Variants in ITGA1 observed in about 807,000 individuals in gnomAD.
The protein encoded by ITGA1 is integrin subunit alpha 1, also known as integrin alpha-1.
In ITGA1, 85 loss-of-function variants were observed where a neutral mutation model predicts 145.9. That is an observed-to-expected ratio of 0.58 (90% CI 0.49 to 0.70). ITGA1 has a LOEUF of 0.70. Among genes scored for constraint, ITGA1 ranks in the 30% least tolerant of loss-of-function variants. The pLI is 0.00. For missense variants in ITGA1, 1,351 were observed against 1,418.7 expected (o/e 0.95, Z 0.77); for synonymous variants, 520 against 495.3 (o/e 1.05, Z -0.66).
At chr5:52,899,498 G>A (rs2111832368) in intron 11 of ITGA1, among the ~76,000 whole-genome samples, 1 of 152,308 alleles carries the variant, frequency 6.6e-6, no homozygotes, top group Non-Finnish European at 1.5e-5. Flanking sequence ...TGAAAGTCCA[G>A]TCTGTTTCTC....
chr5:52,937,513 A>G lies in ITGA1; in HGVS notation c.3077A>G (p.Glu1026Gly), dbSNP rs1750988627. Residue 1026 changes from glutamate to glycine, a missense_variant and splice_region_variant, in exon 24 of 29, where the codon GAG (glutamate) becomes GGG (glycine). By Grantham distance (98) the Glu-to-Gly change is moderately conservative. Transcript: ENST00000282588. ...VLYPTGLSSS[E>G]NANCRPHIFE... ...TACCCAACTGGATTGTCATCTTCTG[A>G]GGTAAGTCATGTGTGCCTTGGAATT... 1.3e-6 allele frequency: 2 copies of G among 1,569,246 alleles called. No individual in the cohort carries two copies. Among genetic ancestry groups the G allele is most frequent in the Non-Finnish European group, 1.8e-6 (2 of 1,139,636 alleles).
At chr5:52,890,718 C>T (rs966581758) in intron 8 of ITGA1, among the ~76,000 whole-genome samples, 3 of 152,172 alleles carry the variant, frequency 2.0e-5, no homozygotes, top group Non-Finnish European at 4.4e-5. Flanking sequence ...CTTATCATTT[C>T]TTTGTGTTGG....
intron 20 of ITGA1, among the ~76,000 whole-genome samples, chr5:52,929,085 T>G (rs188886728): frequency 8.1e-4 from 123 of 152,318 alleles, no homozygotes; most frequent in Non-Finnish European, 1.6e-3. Context: ...CTGCTATAAC[T>G]AAATACTATA....
intron 2 of ITGA1, among the ~76,000 whole-genome samples, chr5:52,857,308 T>C (rs1749531242): frequency 6.6e-6 from 1 of 152,166 alleles, no homozygotes; most frequent in South Asian, 2.1e-4. Flanking sequence ...AACCTCTCCT[T>C]CTGGATCCAC....
rs1371861272 is a variant in ITGA1, at chr5:52,929,829, G to T, written c.2771+128G>T. ...TTGTAGGAGATCAGTAGAAGTGGAA[G>T]GCAATTAACCACTTTGCTTCACAAA... is the stretch of plus-strand genomic sequence containing the variant. On this transcript the variant is annotated intron_variant, in intron 21 of 28. Coordinates refer to ENST00000282588, the MANE Select transcript of ITGA1 (RefSeq NM_181501.2). The T allele has an allele frequency of 7.9e-6, 4 of 505,568 alleles. No individual in the cohort carries two copies. In the East Asian group the frequency reaches 1.3e-4, roughly 17 times the overall value. The allele number at this position is 505,568 out of a possible 1,614,324, so 31.3% of individuals were successfully genotyped here. A position where few individuals can be genotyped will look rare whatever the true frequency, so the allele number is the denominator to read the frequency against.
intron 1 of ITGA1, chr5:52,824,276 T>A (rs1430150323): frequency 6.6e-6 from 1 of 151,732 alleles, no homozygotes; most frequent in Non-Finnish European, 1.5e-5. Context: ...CTGAGAAGAT[T>A]GTTCTCTCTT....
intron 21 of ITGA1, among the ~76,000 whole-genome samples, chr5:52,930,078 TATG>T: frequency 6.6e-6 from 1 of 152,314 alleles, no homozygotes; most frequent in African/African-American, 2.4e-5. Context: ...CTTAAAGTTT[TATG>T]ATATCCTTTT....
At position 52,905,829 on chromosome 5, in the gene ITGA1, A is replaced by G. The variant is rs1282914079; in HGVS notation, c.1376A>G (p.Tyr459Cys). The G allele has an allele frequency of 2.5e-6, 4 of 1,613,714 alleles. No homozygotes were observed. Among genetic ancestry groups the G allele is most frequent in the East Asian group, 2.2e-5 (1 of 44,866 alleles). ...DVLYIAGQPR[Y>C]NHTGQVIIYR... ...CTCTATATTGCTGGACAGCCTCGGTACAATCATACAGGCCAGGTCATTATC... is the reference window on the plus strand; with the variant it reads ...CTCTATATTGCTGGACAGCCTCGGTGCAATCATACAGGCCAGGTCATTATC... The change falls in exon 12 of 29, where the codon TAC becomes TGC. Residue 459 changes from tyrosine (Y) to cysteine (C), a missense_variant. Tyr to Cys is a radical substitution (Grantham distance 194, BLOSUM62 -2). Coordinates refer to ENST00000282588, the MANE Select transcript of ITGA1 (RefSeq NM_181501.2).
At chr5:52,910,051 C>A (rs1750478700) in intron 13 of ITGA1, 111 bp from the exon 14 acceptor site, 2 of 1,029,830 alleles carry the variant, frequency 1.9e-6, no homozygotes, top group Non-Finnish European at 2.8e-6. Context: ...ACCAACTTTA[C>A]CACTAATGTA....
At chr5:52,830,315 G>A (rs938081398) in intron 1 of ITGA1, among the ~76,000 whole-genome samples, 16 of 152,034 alleles carry the variant, frequency 1.1e-4, no homozygotes, top group African/African-American at 3.4e-4. Context: ...AGAAACAGAT[G>A]ATGAGGCTTT....
chr5:52,920,819 G>A (rs1750719178), intron 17 of ITGA1, among the ~76,000 whole-genome samples: 1 of 152,102 alleles, frequency 6.6e-6, no homozygotes, highest in Admixed American at 6.6e-5. Flanking sequence ...ATTTCTGTGG[G>A]CCTTGTCTGT....
intron 6 of ITGA1, among the ~76,000 whole-genome samples, chr5:52,877,937 A>T (rs7732839): frequency 0.28 from 43,005 of 152,086 alleles, 6,711 homozygotes; most frequent in South Asian, 0.43. Flanking sequence ...TGATAGTGAT[A>T]TATTTGTGAG....
At chr5:52,906,252 C>CTTATTAGAAGAT (rs1750405154) in intron 12 of ITGA1, among the ~76,000 whole-genome samples, 1 of 152,048 alleles carries the variant, frequency 6.6e-6, no homozygotes. Flanking sequence ...TGCAGAAAAG[C>CTTATTAGAAGAT]TTATTAGAAG....
At chr5:52,896,476 A>G (rs1750228063) in intron 9 of ITGA1, among the ~76,000 whole-genome samples, 1 of 152,204 alleles carries the variant, frequency 6.6e-6, no homozygotes, top group Non-Finnish European at 1.5e-5. Flanking sequence ...TGCCGCGTCT[A>G]ATCTAGTCCT....
intron 6 of ITGA1, 75 bp from the exon 7 acceptor site, chr5:52,881,798 T>C: frequency 7.3e-7 from 1 of 1,375,148 alleles, no homozygotes; most frequent in Non-Finnish European, 1.0e-6. Flanking sequence ...TATATCTGAT[T>C]CACATGGTTA....
At chr5:52,940,441 C>T (rs1751038370) in intron 26 of ITGA1, among the ~76,000 whole-genome samples, 1 of 144,330 alleles carries the variant, frequency 6.9e-6, no homozygotes, top group Non-Finnish European at 1.5e-5. Context: ...CGGAGTGTCT[C>T]TCTGTCGCCC....
At chr5:52,823,459 G>A (rs1561218867) in intron 1 of ITGA1, among the ~76,000 whole-genome samples, 1 of 152,190 alleles carries the variant, frequency 6.6e-6, no homozygotes, top group Non-Finnish European at 1.5e-5. Context: ...ACCCACCTCA[G>A]TCTCCCAAAG....
At chr5:52,819,677 T>C (rs1748835850) in intron 1 of ITGA1, among the ~76,000 whole-genome samples, 1 of 152,258 alleles carries the variant, frequency 6.6e-6, no homozygotes, top group Admixed American at 6.5e-5. Flanking sequence ...CAATGTTGGC[T>C]TTTGTTGCCA....
intron 1 of ITGA1, among the ~76,000 whole-genome samples, chr5:52,789,770 G>A (rs1748203612): frequency 6.6e-6 from 1 of 152,170 alleles, no homozygotes; most frequent in South Asian, 2.1e-4. Flanking sequence ...TCTGAATACA[G>A]TAGTTTACTA....
Sources: gnomAD v4.1 joint callset for allele counts (sites outside exome capture counted in the v4.1 genomes callset) on GRCh38, gnomAD v4.1.1 for gene constraint, MANE v1.5 for transcripts, NCBI Gene and HGNC (gene_info 2026-07-23, HGNC 2026-07-21) for gene names.